PKIB: variants seen among roughly 807,000 people sequenced by gnomAD.
The protein encoded by PKIB is cAMP-dependent protein kinase inhibitor beta, also known as PKI-beta.
A neutral mutation model predicts 4.5 loss-of-function variants in PKIB; 2 were observed. That is an observed-to-expected ratio of 0.44 (90% CI 0.18 to 1.39). The LOEUF (loss-of-function observed/expected upper bound fraction) is 1.39, where lower values mean the gene tolerates loss of function less well. PKIB is among the 40% of genes most tolerant of loss of function. The pLI, the probability that PKIB is intolerant of heterozygous loss-of-function variation, is 0.27. For synonymous variants in PKIB, 38 were observed against 36.0 expected, an observed-to-expected ratio of 1.06 and a Z score of -0.20; for missense variants, 94 against 92.6, an observed-to-expected ratio of 1.02 and a Z score of -0.06.
chr6:122,516,660 G>C (rs1237767852), intron 2 of PKIB, among the ~76,000 whole-genome samples: 9 of 152,156 alleles, frequency 5.9e-5, no homozygotes, highest in African/African-American at 2.2e-4. Context: ...TATAGCAGGA[G>C]CCAGATTGAC....
At chr6:122,715,125 A>G (rs903943821) in intron 3 of PKIB, among the ~76,000 whole-genome samples, 1 of 151,980 alleles carries the variant, frequency 6.6e-6, no homozygotes, top group Non-Finnish European at 1.5e-5. Context: ...TTCTCTTTCA[A>G]CATACAAATT....
chr6:122,648,206 C>T (rs1431213863), intron 2 of PKIB, among the ~76,000 whole-genome samples: 1 of 152,196 alleles, frequency 6.6e-6, no homozygotes, highest in East Asian at 1.9e-4. Context: ...AAGAACACCT[C>T]CCTTTGAAAC....
chr6:122,670,691 A>G (rs886553223), intron 2 of PKIB, among the ~76,000 whole-genome samples: 1 of 152,164 alleles, frequency 6.6e-6, no homozygotes, highest in Non-Finnish European at 1.5e-5. Flanking sequence ...ACTATGTGTC[A>G]GGCAGAGTCA....
intron 3 of PKIB, among the ~76,000 whole-genome samples, chr6:122,690,915 G>GATATATATAT (rs55770226): frequency 2.9e-4 from 25 of 84,950 alleles, no homozygotes; most frequent in African/African-American, 8.2e-4. Flanking sequence ...ATGCTTGAAG[G>GATATATATAT]ATATATATAT....
At chr6:122,663,681 T>C (rs558678403) in intron 2 of PKIB, among the ~76,000 whole-genome samples, 96 of 152,304 alleles carry the variant, frequency 6.3e-4, no homozygotes, top group Non-Finnish European at 1.3e-3. Context: ...TTACGTTGTC[T>C]TCCCTCCTTT....
chr6:122,625,231 T>G lies in PKIB; in HGVS notation c.-160-8052T>G, dbSNP rs137886746. 1.8e-3 allele frequency among the ~76,000 whole-genome samples: 279 copies of G among 152,340 alleles called. No individual in the cohort carries two copies. In the Middle Eastern group the frequency reaches 0.027, roughly 15 times the overall value. On this transcript the variant is annotated intron_variant, in intron 1 of 4. Coordinates refer to ENST00000368452, the MANE Select transcript of PKIB (RefSeq NM_181795.3). ...ACCTGAAAGATGAATATATCTCTAA[T>G]TCTTCGTCATTTTTATCAGTTCCTT...
intron 2 of PKIB, among the ~76,000 whole-genome samples, chr6:122,576,689 A>AAAAAAAATATAT (rs1345822382): frequency 1.3e-3 from 44 of 34,306 alleles, no homozygotes; most frequent in South Asian, 3.4e-3. Context: ...AAAAAAAAAA[A>AAAAAAAATATAT]ATATATATAT....
At chr6:122,535,972 G>C (rs2114625887) in intron 2 of PKIB, among the ~76,000 whole-genome samples, 1 of 152,216 alleles carries the variant, frequency 6.6e-6, no homozygotes, top group African/African-American at 2.4e-5. Context: ...GACAGAGTAA[G>C]ACTCTGTCAC....
chr6:122,717,997 C>T (rs1228448473), intron 4 of PKIB, 34 bp downstream of exon 4: 1 of 1,588,332 alleles, frequency 6.3e-7, no homozygotes, highest in African/African-American at 1.3e-5. Flanking sequence ...ATTAACAGCA[C>T]TTGTCCCTTC....
intron 2 of PKIB, among the ~76,000 whole-genome samples, chr6:122,498,235 G>T (rs1776129898): frequency 6.6e-6 from 1 of 152,222 alleles, no homozygotes; most frequent in Non-Finnish European, 1.5e-5. Flanking sequence ...ATGGTAGAAG[G>T]TGTACAGCAC....
chr6:122,715,684 C>T (rs976830145), intron 3 of PKIB, among the ~76,000 whole-genome samples: 1 of 148,306 alleles, frequency 6.7e-6, no homozygotes, highest in Non-Finnish European at 1.5e-5. Context: ...TATATATGAA[C>T]TTTAACAAAC....
chr6:122,558,399 G>T (rs1333613015), intron 2 of PKIB, among the ~76,000 whole-genome samples: 1 of 152,180 alleles, frequency 6.6e-6, no homozygotes, highest in Non-Finnish European at 1.5e-5. Flanking sequence ...TGAGTCATAT[G>T]TTCACCTCTT....
chr6:122,626,357 T>C (rs1775445000), intron 1 of PKIB, among the ~76,000 whole-genome samples: 1 of 152,234 alleles, frequency 6.6e-6, no homozygotes, highest in East Asian at 1.9e-4. Context: ...TGATCACTTA[T>C]TGAATACCTA....
At chr6:122,622,419 T>G (rs1431302165) in intron 1 of PKIB, among the ~76,000 whole-genome samples, 2 of 152,198 alleles carry the variant, frequency 1.3e-5, no homozygotes, top group Middle Eastern at 3.2e-3. Flanking sequence ...AAGGATACAT[T>G]CAAGGGTATC....
intron 3 of PKIB, among the ~76,000 whole-genome samples, chr6:122,709,280 C>T (rs756552180): frequency 6.6e-6 from 1 of 152,120 alleles, no homozygotes; most frequent in African/African-American, 2.4e-5. Flanking sequence ...TCCCATTGCT[C>T]CATATAGACC....
At chr6:122,505,750 T>C (rs1409888088) in intron 2 of PKIB, among the ~76,000 whole-genome samples, 1 of 152,182 alleles carries the variant, frequency 6.6e-6, no homozygotes, top group Non-Finnish European at 1.5e-5. Context: ...TGTTTAGTAG[T>C]ATTATATGAA....
chr6:122,487,092 T>C (rs1048740424), intron 2 of PKIB, among the ~76,000 whole-genome samples: 10 of 152,206 alleles, frequency 6.6e-5, no homozygotes, highest in Admixed American at 6.5e-5. Flanking sequence ...AATTAATAGG[T>C]AAAATGCTTC....
chr6:122,682,134 T>C (rs777880270), intron 3 of PKIB, among the ~76,000 whole-genome samples: 33 of 152,200 alleles, frequency 2.2e-4, no homozygotes, highest in South Asian at 6.2e-4. Context: ...AGATAAACAC[T>C]AACTTTTTTT....
intron 2 of PKIB, among the ~76,000 whole-genome samples, chr6:122,555,409 AAGG>A (rs1481127266): frequency 6.6e-6 from 1 of 152,184 alleles, no homozygotes; most frequent in Non-Finnish European, 1.5e-5. Flanking sequence ...GTAATATTTG[AAGG>A]AGGTTTTTGG....
Sources: gnomAD v4.1 joint callset for allele counts (sites outside exome capture counted in the v4.1 genomes callset) on GRCh38, gnomAD v4.1.1 for gene constraint, MANE v1.5 for transcripts, NCBI Gene and HGNC (gene_info 2026-07-23, HGNC 2026-07-21) for gene names.